The following METTL15 variants were observed in gnomAD, a reference collection of about 807,000 sequenced individuals.
METTL15 encodes 12S rRNA N(4)-cytidine methyltransferase METTL15.
METTL15 carries 34 observed loss-of-function variants against 38.3 expected under a neutral mutation model. The observed-to-expected ratio is 0.89, with a 90% CI of 0.68 to 1.18. The LOEUF (loss-of-function observed/expected upper bound fraction) is 1.18, where lower values mean the gene tolerates loss of function less well. Among genes scored for constraint, METTL15 ranks in the 50% most tolerant of loss-of-function variants. The pLI, the probability that METTL15 is intolerant of heterozygous loss-of-function variation, is 0.00. For synonymous variants in METTL15, 162 were observed against 170.9 expected (o/e 0.95, Z 0.41); for missense variants, 438 against 498.4 (o/e 0.88, Z 1.15).
chr11:28,501,195 T>C (rs1407436398), intron 6 of METTL15, among the ~76,000 whole-genome samples: 2 of 152,208 alleles, frequency 1.3e-5, no homozygotes, highest in Non-Finnish European at 2.9e-5. Context: ...AAACAGTAGA[T>C]GGGCAGCTAT....
chr11:28,236,562 C>A (rs1478000102), intron 4 of METTL15, among the ~76,000 whole-genome samples: 1 of 152,176 alleles, frequency 6.6e-6, no homozygotes, highest in African/African-American at 2.4e-5. Flanking sequence ...AGGAATTTGC[C>A]AGTCTCTGTC....
At chr11:28,135,400 G>A (rs1849482225) in intron 3 of METTL15, among the ~76,000 whole-genome samples, 1 of 152,132 alleles carries the variant, frequency 6.6e-6, no homozygotes, top group African/African-American at 2.4e-5. Context: ...CCTATGAGTT[G>A]GGTAAATTCC....
At chr11:28,375,670 G>T (rs1281244218) in intron 5 of METTL15, among the ~76,000 whole-genome samples, 2 of 151,920 alleles carry the variant, frequency 1.3e-5, no homozygotes, top group African/African-American at 4.8e-5. Flanking sequence ...ATTTCCTTCA[G>T]TTCTGCCCTG....
chr11:28,183,654 G>A (rs1851381885), intron 3 of METTL15, among the ~76,000 whole-genome samples: 1 of 152,026 alleles, frequency 6.6e-6, no homozygotes. Context: ...GCTGGACTTG[G>A]TTTGCCATTT....
Position 28,516,048 on chromosome 11 carries a change from C to T in METTL15, c.*425-10430C>T, listed in dbSNP as rs149313332. ...ATTAGTTCATACTCATCAAGTGTAC[C>T]CTATGTTTTGAACATGTTGGGTTAT... On this transcript the variant is annotated intron_variant and NMD_transcript_variant, in intron 6 of 7. Transcript: ENST00000532947. 6.6e-5 allele frequency among the ~76,000 whole-genome samples: 10 copies of T among 152,230 alleles called. No individual in the cohort carries two copies. In the East Asian group the frequency reaches 1.7e-3, roughly 26 times the overall value.
chr11:28,470,122 A>G (rs561944892), intron 6 of METTL15, among the ~76,000 whole-genome samples: 1 of 152,310 alleles, frequency 6.6e-6, no homozygotes, highest in African/African-American at 2.4e-5. Flanking sequence ...CATTGGTAAT[A>G]ATGTTCAAGG....
intron 3 of METTL15, among the ~76,000 whole-genome samples, chr11:28,116,222 T>TA (rs1316258985): frequency 6.6e-6 from 1 of 152,146 alleles, no homozygotes; most frequent in Non-Finnish European, 1.5e-5. Context: ...TAAAGCAATG[T>TA]AAAAAATGTT....
At chr11:28,247,521 A>C (rs1039699163) in intron 4 of METTL15, among the ~76,000 whole-genome samples, 1 of 152,130 alleles carries the variant, frequency 6.6e-6, no homozygotes, top group Non-Finnish European at 1.5e-5. Context: ...AAATGAATTC[A>C]TACTTTAATG....
intron 6 of METTL15, among the ~76,000 whole-genome samples, chr11:28,433,859 A>C (rs917111730): frequency 2.0e-5 from 3 of 152,136 alleles, no homozygotes; most frequent in African/African-American, 7.2e-5. Context: ...TTTCTTCTCC[A>C]ATACCACTGA....
At chr11:28,190,019 T>C (rs942261356) in intron 3 of METTL15, among the ~76,000 whole-genome samples, 1 of 151,230 alleles carries the variant, frequency 6.6e-6, no homozygotes, top group Non-Finnish European at 1.5e-5. Flanking sequence ...TTTGAGTTAA[T>C]GCTGTTGATC....
At chr11:28,502,523 T>C (rs1402421687) in intron 6 of METTL15, among the ~76,000 whole-genome samples, 1 of 152,200 alleles carries the variant, frequency 6.6e-6, no homozygotes, top group African/African-American at 2.4e-5. Context: ...TGGATTCAAC[T>C]AAAGATAATT....
intron 3 of METTL15, among the ~76,000 whole-genome samples, chr11:28,205,656 G>A (rs1374781878): frequency 1.3e-5 from 2 of 150,160 alleles, no homozygotes; most frequent in African/African-American, 2.4e-5. Flanking sequence ...GGTATTTCTA[G>A]TTCTAGATCC....
intron 5 of METTL15, among the ~76,000 whole-genome samples, chr11:28,396,515 T>C (rs1054566640): frequency 6.6e-6 from 1 of 151,934 alleles, no homozygotes; most frequent in African/African-American, 2.4e-5. Flanking sequence ...ATAAAATACC[T>C]AGGAATCCAA....
chr11:28,505,910 C>G (rs1036020597), intron 6 of METTL15, among the ~76,000 whole-genome samples: 4 of 152,190 alleles, frequency 2.6e-5, no homozygotes, highest in African/African-American at 9.6e-5. Context: ...GTGCACACTT[C>G]TGTGCCTAAC....
intron 3 of METTL15, among the ~76,000 whole-genome samples, chr11:28,158,241 A>G (rs1850331498): frequency 6.6e-6 from 1 of 152,208 alleles, no homozygotes; most frequent in South Asian, 2.1e-4. Context: ...GGGTGATCCC[A>G]GCAGAGGAGG....
chr11:28,142,773 G>A (rs1849743013), intron 3 of METTL15, among the ~76,000 whole-genome samples: 1 of 152,148 alleles, frequency 6.6e-6, no homozygotes, highest in Non-Finnish European at 1.5e-5. Context: ...ATTTTGAGCA[G>A]AGGATGTGGG....
chr11:28,247,593 G>A (rs1854566341), intron 4 of METTL15, among the ~76,000 whole-genome samples: 1 of 152,050 alleles, frequency 6.6e-6, no homozygotes, highest in Admixed American at 6.6e-5. Context: ...CTTTATGTAA[G>A]TTCAAAACCT....
At position 28,119,861 on chromosome 11, in the gene METTL15, A is replaced by G. The variant is rs535818639; in HGVS notation, c.270+6257A>G. Among the ~76,000 whole-genome samples, 3 of 152,346 alleles carry G rather than the reference A, an allele frequency of 2.0e-5. No homozygotes were observed. The East Asian group carries it at 5.8e-4, about 29-fold the overall frequency. ...TGCTCTCTTTAAATATTGGAGGCTG[A>G]TGACGGGAGTTTATTTTGTTTGACT... On this transcript the variant is annotated intron_variant, in intron 3 of 6. Transcript: ENST00000407364.
intron 4 of METTL15, among the ~76,000 whole-genome samples, chr11:28,227,828 T>A (rs912820722): frequency 6.6e-6 from 1 of 151,966 alleles, no homozygotes; most frequent in African/African-American, 2.4e-5. Context: ...GGCTAGGAAT[T>A]GCTGCTGTAT....
Sources: allele counts gnomAD v4.1 joint callset (sites outside exome capture counted in the v4.1 genomes callset), GRCh38; gene constraint gnomAD v4.1.1; transcripts MANE v1.5; gene names NCBI Gene and HGNC (gene_info 2026-07-23, HGNC 2026-07-21).